ZCCHC17: variants seen among roughly 807,000 people sequenced by gnomAD.
The protein encoded by ZCCHC17 is zinc finger CCHC-type containing 17.
A neutral mutation model predicts 30.6 loss-of-function variants in ZCCHC17; 18 were observed. The ratio of observed to expected loss-of-function variants is 0.59; its 90% CI spans 0.41 to 0.87. The LOEUF is 0.87. Among genes scored for constraint, ZCCHC17 ranks in the 40% least tolerant of loss-of-function variants. The probability of loss-of-function intolerance (pLI) is 0.00; values close to 1 mark genes in which losing one functional copy is unlikely to be tolerated. For synonymous variants in ZCCHC17, 88 were observed against 92.4 expected (o/e 0.95, Z 0.27); for missense variants, 263 against 284.2 (o/e 0.93, Z 0.54).
At chr1:31,350,700 A>G (rs1373337656) in intron 7 of ZCCHC17, among the ~76,000 whole-genome samples, 1 of 152,088 alleles carries the variant, frequency 6.6e-6, no homozygotes, top group Non-Finnish European at 1.5e-5. Context: ...CCCAGGTTCC[A>G]GCAATTCTCC....
intron 3 of ZCCHC17, among the ~76,000 whole-genome samples, chr1:31,333,944 G>A (rs1464946350): frequency 6.6e-6 from 1 of 152,190 alleles, no homozygotes; most frequent in Non-Finnish European, 1.5e-5. Context: ...GACAGTTGCA[G>A]CCAAAAACAA....
intron 3 of ZCCHC17, among the ~76,000 whole-genome samples, chr1:31,334,337 C>CTG (rs59851204): frequency 1.1e-3 from 96 of 85,600 alleles, no homozygotes; most frequent in African/African-American, 4.5e-3. Flanking sequence ...CTCTCTCTCT[C>CTG]TGTGTGTGTG....
At chr1:31,322,787 T>A (rs1038228307) in intron 3 of ZCCHC17, among the ~76,000 whole-genome samples, 1 of 151,534 alleles carries the variant, frequency 6.6e-6, no homozygotes, top group South Asian at 2.1e-4. Context: ...AGTGGTGCAA[T>A]ATCAGCTCAC....
At chr1:31,337,886 G>A (rs1433902062) in intron 4 of ZCCHC17, among the ~76,000 whole-genome samples, 1 of 152,222 alleles carries the variant, frequency 6.6e-6, no homozygotes, top group African/African-American at 2.4e-5. Context: ...TGCTTAATAT[G>A]TGCTAGGTTT....
intron 7 of ZCCHC17, among the ~76,000 whole-genome samples, chr1:31,363,367 T>A (rs7533537): frequency 0.21 from 31,888 of 151,968 alleles, 3,703 homozygotes; most frequent in African/African-American, 0.3. Context: ...GTATTTTTAG[T>A]AGAGACGGGG....
chr1:31,318,193 A>G (rs1646781049), intron 2 of ZCCHC17: 2 of 1,535,402 alleles, frequency 1.3e-6, no homozygotes, highest in South Asian at 2.4e-5. Flanking sequence ...ACAGTGCTCA[A>G]GATGAAGCAG....
chr1:31,319,526 A>G (rs921659651), intron 3 of ZCCHC17, among the ~76,000 whole-genome samples: 52 of 152,336 alleles, frequency 3.4e-4, no homozygotes, highest in African/African-American at 1.1e-3. Flanking sequence ...TAGATAGCGC[A>G]TGAAATGGGA....
chr1:31,307,912 A>C (rs1646506315), intron 1 of ZCCHC17, among the ~76,000 whole-genome samples: 2 of 152,190 alleles, frequency 1.3e-5, no homozygotes, highest in African/African-American at 4.8e-5. Flanking sequence ...TGATAGATTA[A>C]GATGTTTGAA....
In ZCCHC17 at chr1:31,314,959, A is replaced by G. The variant is rs568109122; in HGVS notation, c.67-4150A>G. ...TGGGATTATAGATGTGAGCCACCGC[A>G]CCCAGCCAAGAGAATTCTTTTGACT... On this transcript the variant is annotated intron_variant, in intron 2 of 7. Coordinates refer to ENST00000344147, the MANE Select transcript of ZCCHC17 (RefSeq NM_016505.4). Among the ~76,000 whole-genome samples the G allele has an allele frequency of 8.5e-5, 13 of 152,264 alleles. 1 individual carries two copies. In the South Asian group the frequency reaches 2.7e-3, roughly 32 times the overall value.
intron 1 of ZCCHC17, among the ~76,000 whole-genome samples, chr1:31,301,385 A>ACAAT (rs1646307901): frequency 2.0e-5 from 3 of 152,222 alleles, no homozygotes; most frequent in Non-Finnish European, 4.4e-5. Context: ...GAGCGAGTTT[A>ACAAT]CTTAGCTTCT....
chr1:31,364,107 A>T lies in ZCCHC17; in HGVS notation c.640A>T (p.Lys214Ter). 1 of 1,613,908 alleles carries T rather than the reference A, an allele frequency of 6.2e-7. No individual in the cohort carries two copies. The highest frequency in any genetic ancestry group is 8.5e-7 in the Non-Finnish European group (1 of 1,179,860). The change falls in exon 8 of 8, where the codon AAG (lysine) becomes TAG (stop). Residue 214 changes from lysine to a stop codon, truncating the protein, a stop_gained. Transcript: ENST00000344147. LOFTEE classifies it high-confidence loss of function. ...DSSDSESDTG[K>*]RARHTSKDSK... ...CTCAGACTCTGAGAGTGATACAGGC[A>T]AGAGGGCAAGGCACACATCAAAAGA...
At chr1:31,338,528 A>G (rs1275335765) in intron 4 of ZCCHC17, among the ~76,000 whole-genome samples, 2 of 152,182 alleles carry the variant, frequency 1.3e-5, no homozygotes, top group African/African-American at 4.8e-5. Flanking sequence ...GAAGCAAAAG[A>G]AGACCAATGT....
intron 3 of ZCCHC17, among the ~76,000 whole-genome samples, chr1:31,324,898 T>C (rs1000059919): frequency 8.6e-5 from 13 of 151,826 alleles, no homozygotes; most frequent in Non-Finnish European, 5.9e-5. Flanking sequence ...AGGGATGGCC[T>C]AAAGCATAGG....
At chr1:31,322,341 T>C (rs2148431765) in intron 3 of ZCCHC17, among the ~76,000 whole-genome samples, 1 of 152,338 alleles carries the variant, frequency 6.6e-6, no homozygotes, top group African/African-American at 2.4e-5. Context: ...CCTACACTTT[T>C]GTCTCACTTG....
chr1:31,343,302 C>T (rs978744904), intron 5 of ZCCHC17, among the ~76,000 whole-genome samples: 22 of 152,232 alleles, frequency 1.4e-4, no homozygotes, highest in South Asian at 6.2e-4. Context: ...TCAAGTAATC[C>T]GCCTGCCTTG....
At chr1:31,312,486 C>G (rs944898529) in intron 2 of ZCCHC17, among the ~76,000 whole-genome samples, 2 of 72,048 alleles carry the variant, frequency 2.8e-5, no homozygotes, top group Non-Finnish European at 5.5e-5. Context: ...CAGACAAAAT[C>G]GGGATTCTAG....
intron 1 of ZCCHC17, 128 bp downstream of exon 1, chr1:31,297,203 C>T (rs1400155528): frequency 1.0e-5 from 4 of 400,770 alleles, no homozygotes; most frequent in East Asian, 7.1e-5. Flanking sequence ...GGCCCCGAGT[C>T]CCCAGCTGTG....
At chr1:31,300,100 G>C (rs1445321186) in intron 1 of ZCCHC17, among the ~76,000 whole-genome samples, 1 of 152,044 alleles carries the variant, frequency 6.6e-6, no homozygotes, top group Non-Finnish European at 1.5e-5. Flanking sequence ...TTACTCTGTT[G>C]CCCAGGCCGA....
At chr1:31,337,151 G>T (rs370055121) in intron 3 of ZCCHC17, 24 bp from the exon 4 acceptor site, 7 of 1,602,614 alleles carry the variant, frequency 4.4e-6, no homozygotes, top group Non-Finnish European at 6.0e-6. Flanking sequence ...TCTGCTTTAC[G>T]TTATTTCTTC....
Sources: allele counts gnomAD v4.1 joint callset (sites outside exome capture counted in the v4.1 genomes callset), GRCh38; gene constraint gnomAD v4.1.1; transcripts MANE v1.5; gene names NCBI Gene and HGNC (gene_info 2026-07-23, HGNC 2026-07-21).